The following DSCAM variants were observed in gnomAD, a reference collection of about 807,000 sequenced individuals.
The protein encoded by DSCAM is cell adhesion molecule DSCAM.
In DSCAM, 47 loss-of-function variants were observed where a neutral mutation model predicts 217.7. The ratio of observed to expected loss-of-function variants is 0.22; its 90% confidence interval spans 0.17 to 0.28. The LOEUF (loss-of-function observed/expected upper bound fraction) is 0.28. Among genes scored for constraint, DSCAM ranks in the 10% least tolerant of loss-of-function variants. The pLI, the probability that DSCAM is intolerant of heterozygous loss-of-function variation, is 1.00. For synonymous variants in DSCAM, 1,056 were observed against 1,015.3 expected, an observed-to-expected ratio of 1.04 and a Z score of -0.76; for missense variants, 2,080 against 2,618.3, an observed-to-expected ratio of 0.79 and a Z score of 4.49.
At chr21:40,765,076 G>A (rs1017621029) in intron 1 of DSCAM, among the ~76,000 whole-genome samples, 5 of 146,774 alleles carry the variant, frequency 3.4e-5, no homozygotes, top group African/African-American at 7.6e-5. Flanking sequence ...TAACAAACCT[G>A]CACATTCTGC....
rs1406074509 is a variant in DSCAM, at chr21:40,085,759, C to T, written c.3975G>A (p.Gly1325=). 6.7e-7 allele frequency: 1 copy of T among 1,498,586 alleles called. No homozygotes were observed. The highest frequency in any genetic ancestry group is 9.0e-7 in the Non-Finnish European group (1 of 1,106,878). 92.8% of individuals were successfully genotyped at this position (1,498,586 alleles called of 1,614,324 possible). ...CATCAATCGTTACTAGACTGGGTGTCCCGTTACTGCCTCACAGGAAGAAAA... is the reference window on the plus strand; with the variant it reads ...CATCAATCGTTACTAGACTGGGTGTTCCGTTACTGCCTCACAGGAAGAAAA... ...PAVKWMKDSN[G]TPSLVTIDGR... The change falls in exon 23 of 33, where the codon GGG becomes GGA. Residue 1325 remains glycine (G), a synonymous_variant. Transcript: ENST00000400454.
rs1409308983 is a variant in DSCAM, at chr21:40,144,835, C to T, written c.3019-104G>A. On this transcript the variant is annotated intron_variant, in intron 16 of 32. Coordinates refer to ENST00000400454, the MANE Select transcript of DSCAM (RefSeq NM_001389.5). The surrounding 1 kb of genome is among the most constrained non-coding windows in gnomAD (Gnocchi z 4.8). The stretch of plus-strand genomic sequence containing the variant: ...GAAAGCAGAAATAAAGTGGAGTCAT[C>T]GCCACGATGCTGGGGCGGTGGTCCG... 16 of 1,502,306 alleles carry T rather than the reference C, an allele frequency of 1.1e-5. No individual in the cohort carries two copies. Among genetic ancestry groups the T allele is most frequent in the South Asian group, 6.2e-5 (5 of 80,162 alleles). The allele number at this position is 1,502,306 out of a possible 1,614,324, so 93.1% of individuals were successfully genotyped here. A position where few individuals can be genotyped will look rare whatever the true frequency, so the allele number is the denominator to read the frequency against.
chr21:40,272,121 T>C lies in DSCAM; in HGVS notation c.2356+3976A>G, dbSNP rs536294410. Among the ~76,000 whole-genome samples the C allele has an allele frequency of 3.3e-5, 5 of 152,026 alleles. No homozygotes were observed. The South Asian group carries it at 1.0e-3, about 32-fold the overall frequency. The stretch of plus-strand genomic sequence containing the variant: ...AAGTCATTCCCTGGGCCTCAAACAG[T>C]TCCTGGTTGGGGGAAGGGGCACATA... On this transcript the variant is annotated intron_variant, in intron 11 of 32. Coordinates refer to ENST00000400454, the MANE Select transcript of DSCAM (RefSeq NM_001389.5).
chr21:40,357,090 G>T (rs2123660840), intron 4 of DSCAM, among the ~76,000 whole-genome samples: 1 of 152,184 alleles, frequency 6.6e-6, no homozygotes, highest in African/African-American at 2.4e-5. Context: ...ATTAACTGAA[G>T]AATTCTATAT....
chr21:40,414,422 CAAT>C (rs1222362014), intron 3 of DSCAM, among the ~76,000 whole-genome samples: 2 of 152,130 alleles, frequency 1.3e-5, no homozygotes, highest in African/African-American at 4.8e-5. Flanking sequence ...AGTAAAACCA[CAAT>C]GAGATACCAA....
Position 40,601,728 on chromosome 21 carries a change from C to T in DSCAM, c.508+91082G>A, listed in dbSNP as rs1007469588. Among the ~76,000 whole-genome samples the T allele has an allele frequency of 9.2e-5, 14 of 152,074 alleles. No homozygotes were observed. In the South Asian group the frequency reaches 1.4e-3, roughly 16 times the overall value. ...AGACATTTTTATCATAAATAAGTGC[C>T]GGTTTTACCAAATTCTTTTTTGCAT... On this transcript the variant is annotated intron_variant, in intron 3 of 32. Coordinates refer to ENST00000400454, the MANE Select transcript of DSCAM (RefSeq NM_001389.5).
intron 4 of DSCAM, among the ~76,000 whole-genome samples, chr21:40,368,493 AAG>A (rs2074858097): frequency 6.6e-6 from 1 of 152,232 alleles, no homozygotes; most frequent in Non-Finnish European, 1.5e-5. Context: ...GGCTATTTTG[AAG>A]ATGTAAGTGA....
At position 40,482,508 on chromosome 21, in the gene DSCAM, T is replaced by C. The variant is rs73361183; in HGVS notation, c.509-113263A>G. On this transcript the variant is annotated intron_variant, in intron 3 of 32. Transcript: ENST00000400454. ...TTCAGAATTTTTACTCACTACAACA[T>C]GGGTATACTTTGAAAACATTTTGTG... is the stretch of plus-strand genomic sequence containing the variant. 9.6e-3 allele frequency among the ~76,000 whole-genome samples: 1,464 copies of C among 152,296 alleles called. 29 individuals carry two copies. Among genetic ancestry groups the C allele is most frequent in the African/African-American group, 0.033 (1,358 of 41,558 alleles).
intron 3 of DSCAM, among the ~76,000 whole-genome samples, chr21:40,486,458 G>A (rs1409675038): frequency 6.6e-6 from 1 of 151,102 alleles, no homozygotes; most frequent in Non-Finnish European, 1.5e-5. Flanking sequence ...AGGCAGGAAG[G>A]AAGGAAAGAA....
chr21:40,662,291 T>C lies in DSCAM; in HGVS notation c.508+30519A>G, dbSNP rs117516113. ...CTTCAGTTCTCTACATTTTTTTCCT[T>C]TTTTTAATCCTCTATCAAAATTATT... On this transcript the variant is annotated intron_variant, in intron 3 of 32. Coordinates refer to ENST00000400454, the MANE Select transcript of DSCAM (RefSeq NM_001389.5). Among the ~76,000 whole-genome samples the C allele has an allele frequency of 3.9e-3, 599 of 152,292 alleles. 3 individuals carry two copies. The highest frequency in any genetic ancestry group is 6.0e-3 in the Non-Finnish European group (406 of 68,022).
intron 3 of DSCAM, among the ~76,000 whole-genome samples, chr21:40,386,900 C>A (rs62223832): frequency 0.013 from 2,010 of 152,064 alleles, 21 homozygotes; most frequent in South Asian, 0.031. Flanking sequence ...ATAAAATTCC[C>A]TCTAGGATTA....
chr21:40,420,832 A>G (rs1234137833), intron 3 of DSCAM, among the ~76,000 whole-genome samples: 1 of 152,176 alleles, frequency 6.6e-6, no homozygotes, highest in Non-Finnish European at 1.5e-5. Context: ...AGAAGCTACG[A>G]TCAAGGAATG....
Position 40,170,983 on chromosome 21 carries a change from G to C in DSCAM, c.2948-3695C>G, listed in dbSNP as rs567920290. On this transcript the variant is annotated intron_variant, in intron 15 of 32. Coordinates refer to ENST00000400454, the MANE Select transcript of DSCAM (RefSeq NM_001389.5). ...TAATTAAACCAAAGGTGCCAGCATA[G>C]TGTTTACAAGAATGTCCCCAATTCT... is the stretch of plus-strand genomic sequence containing the variant. Among the ~76,000 whole-genome samples, 4 of 152,284 alleles carry C rather than the reference G, an allele frequency of 2.6e-5. No individual in the cohort carries two copies. In the South Asian group the frequency reaches 6.2e-4, roughly 24 times the overall value.
At chr21:40,110,961 A>G (rs1312212) in intron 20 of DSCAM, among the ~76,000 whole-genome samples, 98,903 of 152,038 alleles carry the variant, frequency 0.65, 32,746 homozygotes, top group Non-Finnish European at 0.69. Flanking sequence ...AAAGTGACAG[A>G]GAGAATGGAA....
chr21:40,216,128 G>C (rs78657163), intron 11 of DSCAM, among the ~76,000 whole-genome samples: 4,850 of 152,092 alleles, frequency 0.032, 271 homozygotes, highest in African/African-American at 0.11. Flanking sequence ...TTGTTTTAGA[G>C]ACAGGATCTC....
chr21:40,656,838 T>C (rs1337479879), intron 3 of DSCAM, among the ~76,000 whole-genome samples: 2 of 152,196 alleles, frequency 1.3e-5, no homozygotes, highest in Admixed American at 6.5e-5. Flanking sequence ...AGCATGATGC[T>C]GGAGTGTATC....
chr21:40,428,234 TTGTGTGTGTGTG>T (rs71186936), intron 3 of DSCAM, among the ~76,000 whole-genome samples: 11,521 of 129,198 alleles, frequency 0.089, 823 homozygotes, highest in African/African-American at 0.2. Flanking sequence ...GGCAAATACT[TTGTGTGTGTGTG>T]TGTGTGTGTG....
chr21:40,148,658 T>A (rs951889221), intron 16 of DSCAM, among the ~76,000 whole-genome samples: 1 of 151,894 alleles, frequency 6.6e-6, no homozygotes, highest in African/African-American at 2.4e-5. Context: ...CAGGTCACTG[T>A]CACCACTGCC....
At chr21:40,635,748 T>C (rs1232332466) in intron 3 of DSCAM, among the ~76,000 whole-genome samples, 1 of 152,202 alleles carries the variant, frequency 6.6e-6, no homozygotes, top group Non-Finnish European at 1.5e-5. Flanking sequence ...TGTATTTCAA[T>C]TCCAGGAAAT....
Sources: allele counts gnomAD v4.1 joint callset (sites outside exome capture counted in the v4.1 genomes callset), GRCh38; gene constraint gnomAD v4.1.1; non-coding constraint Gnocchi (gnomAD v3.1); transcripts MANE v1.5; gene names NCBI Gene and HGNC (gene_info 2026-07-23, HGNC 2026-07-21).